Variants in EXPH5 observed in about 807,000 individuals in gnomAD.
EXPH5 encodes the protein exophilin-5.
EXPH5 carries 42 observed loss-of-function variants against 41.1 expected under a neutral mutation model. That is an observed-to-expected ratio of 1.02 (90% CI 0.80 to 1.32). EXPH5 has a LOEUF of 1.32. Ranked by LOEUF, EXPH5 falls within the 40% of genes most tolerant of loss-of-function variation. EXPH5 has a pLI of 0.00. For missense variants in EXPH5, 2,298 were observed against 2,314.5 expected (o/e 0.99, Z 0.15); for synonymous variants, 798 against 833.5 (o/e 0.96, Z 0.73).
At chr11:108,582,110 A>C (rs1023977808) in intron 1 of EXPH5, among the ~76,000 whole-genome samples, 14 of 152,226 alleles carry the variant, frequency 9.2e-5, no homozygotes, top group Non-Finnish European at 2.1e-4. Context: ...CAGAAAATAG[A>C]AGAAAACACT....
the EXPH5 span, among the ~76,000 whole-genome samples, chr11:108,606,460 C>A: frequency 6.6e-6 from 1 of 152,210 alleles, no homozygotes; most frequent in African/African-American, 2.4e-5. Flanking sequence ...TCCAACCCAC[C>A]TGCCTTACTT....
At chr11:108,544,218 C>G (rs149078633) in intron 1 of EXPH5, among the ~76,000 whole-genome samples, 9 of 152,330 alleles carry the variant, frequency 5.9e-5, no homozygotes, top group African/African-American at 2.2e-4. Context: ...GAGACAACGT[C>G]TCACTCTGTT....
rs71050861 is a variant in EXPH5, at chr11:108,519,950, CAAAAAAA to C, written c.493-1584_493-1578del. ...TGGGAGACAGAGGGAGACTCTGTCT[CAAAAAAA>C]AAAAAAAAAAAAAAAAAAAATTGCG... On this transcript the variant is annotated intron_variant, in intron 4 of 5. Transcript: ENST00000265843. 6.8e-4 allele frequency among the ~76,000 whole-genome samples: 42 copies of C among 62,048 alleles called. No homozygotes were observed. In the East Asian group the frequency reaches 0.017, roughly 26 times the overall value. 40.7% of individuals were successfully genotyped at this position (62,048 alleles called of 152,430 possible).
At chr11:108,515,496 A>T (rs1214398996) in intron 5 of EXPH5, among the ~76,000 whole-genome samples, 1 of 94,060 alleles carries the variant, frequency 1.1e-5, no homozygotes, top group Admixed American at 9.3e-5. Flanking sequence ...CCAATGGTAG[A>T]TTTTTTTTTC....
the EXPH5 span, among the ~76,000 whole-genome samples, chr11:108,599,864 C>T: frequency 6.6e-6 from 1 of 152,332 alleles, no homozygotes; most frequent in South Asian, 2.1e-4. Flanking sequence ...TTAATAACTA[C>T]TGTCGACCTG....
At position 108,512,032 on chromosome 11, in the gene EXPH5, T is replaced by C. The variant is rs770070141; in HGVS notation, c.3475A>G (p.Arg1159Gly). Residue 1159 changes from arginine (R) to glycine (G), a missense_variant, in exon 6 of 6, where the codon AGA (arginine) becomes GGA (glycine). Transcript: ENST00000265843. The part of the protein sequence containing the change: ...ASELTPRAWE[R>G]IISPVESDSS... ...TCACTTTCCACAGGGCTAATGATTC[T>C]CTCCCAAGCCCTTGGTGTTAGCTCA... is the stretch of plus-strand genomic sequence containing the variant. The C allele has an allele frequency of 6.3e-7, 1 of 1,594,468 alleles. No individual in the cohort carries two copies. Among genetic ancestry groups the C allele is most frequent in the Admixed American group, 1.8e-5 (1 of 55,248 alleles).
intron 1 of EXPH5, among the ~76,000 whole-genome samples, chr11:108,572,640 C>T (rs2094064575): frequency 6.6e-6 from 1 of 152,178 alleles, no homozygotes; most frequent in African/African-American, 2.4e-5. Context: ...CTCACTGCAA[C>T]CTTTGCCTCC....
At position 108,528,695 on chromosome 11, in the gene EXPH5, CT is replaced by C. The variant is rs58500316; in HGVS notation, c.444-512del. Among the ~76,000 whole-genome samples, 756 of 106,346 alleles carry C rather than the reference CT, an allele frequency of 7.1e-3. 1 individual carries two copies. Among genetic ancestry groups the C allele is most frequent in the South Asian group, 0.019 (58 of 3,014 alleles). 69.8% of individuals were successfully genotyped at this position (106,346 alleles called of 152,430 possible). ...TCTTTCTTTTCTTTTTTTTCTTTCC[CT>C]TTTTTTTTTTTTTTTTTTTTTTGAG... On this transcript the variant is annotated intron_variant, in intron 3 of 5. Coordinates refer to ENST00000265843, the MANE Select transcript of EXPH5 (RefSeq NM_015065.3).
intron 1 of EXPH5, among the ~76,000 whole-genome samples, chr11:108,581,829 A>G (rs1382053851): frequency 1.3e-5 from 2 of 152,156 alleles, no homozygotes; most frequent in African/African-American, 4.8e-5. Context: ...TTCCTACATA[A>G]TATTCAGACA....
rs1472153686 is a variant in EXPH5, at chr11:108,507,277, G to A, written c.*2260C>T. 1 of 152,142 alleles carries A rather than the reference G, an allele frequency of 6.6e-6. No individual in the cohort carries two copies. The highest frequency in any genetic ancestry group is 2.4e-5 in the African/African-American group (1 of 41,414). 9.4% of individuals were successfully genotyped at this position (152,142 alleles called of 1,614,324 possible). ...CCATGTAAAGTAACCCACGCATTTT[G>A]CGTCTATGTAAGGGAATGATTAGAA... On this transcript the variant is annotated 3_prime_UTR_variant, in exon 6 of 6. Transcript: ENST00000265843.
At chr11:108,590,028 TG>T (rs2094123709) in intron 1 of EXPH5, among the ~76,000 whole-genome samples, 1 of 152,220 alleles carries the variant, frequency 6.6e-6, no homozygotes, top group Non-Finnish European at 1.5e-5. Context: ...ACTTAATATA[TG>T]TTGGTGTGGC....
chr11:108,558,347 C>G (rs1015121964), intron 1 of EXPH5, among the ~76,000 whole-genome samples: 1 of 152,226 alleles, frequency 6.6e-6, no homozygotes, highest in Non-Finnish European at 1.5e-5. Context: ...CCTTAGCCTC[C>G]CAAGTAGCTG....
intron 3 of EXPH5, among the ~76,000 whole-genome samples, chr11:108,536,969 A>C (rs1406600161): frequency 6.6e-6 from 1 of 152,210 alleles, no homozygotes; most frequent in Non-Finnish European, 1.5e-5. Context: ...TGTTGCCTGC[A>C]GAGGATGACT....
chr11:108,509,322 A>T lies in EXPH5; in HGVS notation c.*215T>A. ...AGGCTAAGAACATTTACAGAGATAGAAAATAGCAGAGACTCTCTCAAAACA... is the reference window on the plus strand; with the variant it reads ...AGGCTAAGAACATTTACAGAGATAGTAAATAGCAGAGACTCTCTCAAAACA... On this transcript the variant is annotated 3_prime_UTR_variant, in exon 6 of 6. Coordinates refer to ENST00000265843, the MANE Select transcript of EXPH5 (RefSeq NM_015065.3). 2 of 397,706 alleles carry T rather than the reference A, an allele frequency of 5.0e-6. No individual in the cohort carries two copies. Among genetic ancestry groups the T allele is most frequent in the Non-Finnish European group, 8.9e-6 (2 of 225,854 alleles). 24.6% of individuals were successfully genotyped at this position (397,706 alleles called of 1,614,324 possible).
chr11:108,568,175 T>TTGGGGGG (rs71875609), intron 1 of EXPH5: 1 of 102,888 alleles, frequency 9.7e-6, no homozygotes, highest in Admixed American at 9.5e-5. Flanking sequence ...TTACTTTTTT[T>TTGGGGGG]GGGAGGGGGG....
chr11:108,526,069 C>T (rs2093796637), intron 4 of EXPH5, among the ~76,000 whole-genome samples: 1 of 151,894 alleles, frequency 6.6e-6, no homozygotes, highest in Non-Finnish European at 1.5e-5. Context: ...TGTGTGCCAC[C>T]ACACCTGTCT....
upstream of EXPH5, among the ~76,000 whole-genome samples, chr11:108,596,184 G>T (rs962907376): frequency 7.9e-5 from 12 of 151,986 alleles, no homozygotes; most frequent in African/African-American, 2.9e-4. Context: ...AACAGAGTGA[G>T]ACTCTGTCAA....
intron 2 of EXPH5, among the ~76,000 whole-genome samples, chr11:108,539,862 T>A (rs934234720): frequency 3.9e-5 from 6 of 152,178 alleles, no homozygotes; most frequent in African/African-American, 1.4e-4. Context: ...CTTTTCAGCT[T>A]ATATAATGCA....
At chr11:108,570,811 G>A (rs764499836) in intron 1 of EXPH5, among the ~76,000 whole-genome samples, 13 of 152,156 alleles carry the variant, frequency 8.5e-5, no homozygotes, top group Non-Finnish European at 1.8e-4. Context: ...CTCCCAAAGT[G>A]TTGGGATTAC....
Sources: allele counts gnomAD v4.1 joint callset (sites outside exome capture counted in the v4.1 genomes callset), GRCh38; gene constraint gnomAD v4.1.1; transcripts MANE v1.5; gene names NCBI Gene and HGNC (gene_info 2026-07-23, HGNC 2026-07-21).